COIL: variants seen among roughly 807,000 people sequenced by gnomAD.
COIL encodes coilin.
COIL carries 28 observed loss-of-function variants against 51.6 expected under a neutral mutation model. The ratio of observed to expected loss-of-function variants is 0.54; its 90% CI spans 0.40 to 0.74. COIL has a LOEUF of 0.74. Ranked by LOEUF, COIL falls within the 30% of genes least tolerant of loss-of-function variation. COIL has a pLI of 0.00. For synonymous variants in COIL, 233 were observed against 255.8 expected (o/e 0.91, Z 0.85); for missense variants, 667 against 685.9 (o/e 0.97, Z 0.31).
chr17:56,955,581 A>T (rs896330247), intron 1 of COIL, among the ~76,000 whole-genome samples: 4 of 152,176 alleles, frequency 2.6e-5, no homozygotes, highest in South Asian at 2.1e-4. Context: ...AATTTTTTTT[A>T]AAATCATTAC....
intron 2 of COIL, 29 bp downstream of exon 2, chr17:56,949,860 G>A (rs777970721): frequency 5.7e-5 from 91 of 1,610,544 alleles, no homozygotes; most frequent in Non-Finnish European, 7.0e-5. Flanking sequence ...GGGAAAGGGA[G>A]GAGATAACTT....
intron 3 of COIL, 114 bp downstream of exon 3, chr17:56,949,567 A>G: frequency 7.4e-7 from 1 of 1,352,996 alleles, no homozygotes; most frequent in East Asian, 2.3e-5. Context: ...CCGTAACAAC[A>G]CTGGGGTTCC....
intron 5 of COIL, among the ~76,000 whole-genome samples, chr17:56,945,170 T>A (rs796691578): frequency 3.3e-5 from 5 of 152,172 alleles, no homozygotes; most frequent in African/African-American, 1.2e-4. Context: ...AAAATCCATC[T>A]CTACTAAAAA....
chr17:56,943,343 C>G (rs372541344), intron 5 of COIL, among the ~76,000 whole-genome samples: 1 of 152,186 alleles, frequency 6.6e-6, no homozygotes, highest in East Asian at 1.9e-4. Context: ...CAACCACTTT[C>G]CTCATTTATG....
intron 1 of COIL, 27 bp downstream of exon 1, chr17:56,960,748 G>C (rs765714580): frequency 8.0e-7 from 1 of 1,250,086 alleles, no homozygotes; most frequent in Non-Finnish European, 1.0e-6. Flanking sequence ...CCGCCCACCC[G>C]GCCGTCCCGC....
Position 56,960,867 on chromosome 17 carries a change from G to T in COIL, c.153C>A (p.Phe51Leu). 1 of 1,613,990 alleles carries T rather than the reference G, an allele frequency of 6.2e-7. No homozygotes were observed. Among genetic ancestry groups the T allele is most frequent in the Non-Finnish European group, 8.5e-7 (1 of 1,179,930 alleles). Reference sequence around the variant, plus strand: ...AGAGGCCTAGGAAGGCCCCAGAACTGAAGCCGAAGCGCTGGCGGATGAGAC... The same window carrying T: ...AGAGGCCTAGGAAGGCCCCAGAACTTAAGCCGAAGCGCTGGCGGATGAGAC... ...LISLIRQRFG[F>L]SSGAFLGLYL... Residue 51 changes from phenylalanine to leucine, a missense_variant, in exon 1 of 7, where the codon TTC becomes TTA. Transcript: ENST00000240316.
chr17:56,943,766 A>G (rs1910191733), intron 5 of COIL, among the ~76,000 whole-genome samples: 1 of 152,232 alleles, frequency 6.6e-6, no homozygotes, highest in African/African-American at 2.4e-5. Flanking sequence ...CTGGGGGACT[A>G]GTATTACTTA....
intron 5 of COIL, among the ~76,000 whole-genome samples, chr17:56,944,882 C>A (rs1300019552): frequency 6.6e-6 from 1 of 150,720 alleles, no homozygotes; most frequent in African/African-American, 2.4e-5. Flanking sequence ...CCGGGCATGG[C>A]GGCCAGCGCC....
At chr17:56,939,192 A>C (rs1910099901) in intron 6 of COIL, 38 bp from the exon 7 acceptor site, 1 of 1,084,748 alleles carries the variant, frequency 9.2e-7, no homozygotes, top group South Asian at 1.3e-5. Flanking sequence ...TAGGCACTTC[A>C]TTTTGAGGTC....
At chr17:56,952,150 A>C (rs1910385783) in intron 1 of COIL, 3 of 471,452 alleles carry the variant, frequency 6.4e-6, no homozygotes, top group South Asian at 3.2e-5. Flanking sequence ...GCATGGTTAC[A>C]CTGGCAAATC....
chr17:56,953,194 A>C (rs11079265), intron 1 of COIL, among the ~76,000 whole-genome samples: 11 of 151,468 alleles, frequency 7.3e-5, no homozygotes, highest in African/African-American at 1.2e-4. Flanking sequence ...GGTGGATCAC[A>C]AGGTCAGGAG....
At chr17:56,949,580 T>G in intron 3 of COIL, 101 bp downstream of exon 3, 1 of 1,386,164 alleles carries the variant, frequency 7.2e-7, no homozygotes, top group Non-Finnish European at 1.0e-6. Flanking sequence ...GGGGTTCCAG[T>G]GGGAAGGGCT....
chr17:56,957,506 T>A (rs1208777751), intron 1 of COIL, among the ~76,000 whole-genome samples: 1 of 149,278 alleles, frequency 6.7e-6, no homozygotes, highest in East Asian at 2.0e-4. Flanking sequence ...CCTGTAATCC[T>A]AGCTACTCGG....
rs1367589447 is a variant in COIL at position 56,938,258 on chromosome 17, T to C, written c.*813A>G. 1 of 152,256 alleles carries C rather than the reference T, an allele frequency of 6.6e-6. No individual in the cohort carries two copies. The highest frequency in any genetic ancestry group is 1.5e-5 in the Non-Finnish European group (1 of 68,038). The allele number at this position is 152,256 out of a possible 1,614,324, so 9.4% of individuals were successfully genotyped here. A position where few individuals can be genotyped will look rare whatever the true frequency, so the allele number is the denominator to read the frequency against. ...CAGCTGAAGGAGGGATCTGATCTTT[T>C]GTTAAATGAAACCAATTTTCACGGT... On this transcript the variant is annotated 3_prime_UTR_variant, in exon 7 of 7. Coordinates refer to ENST00000240316, the MANE Select transcript of COIL (RefSeq NM_004645.3).
At chr17:56,952,898 G>C (rs1910400191) in intron 1 of COIL, among the ~76,000 whole-genome samples, 1 of 152,032 alleles carries the variant, frequency 6.6e-6, no homozygotes, top group African/African-American at 2.4e-5. Flanking sequence ...TCCATCAACA[G>C]GCAACAGCTA....
Position 56,949,734 on chromosome 17 carries a change from G to A in COIL, c.1387C>T (p.Leu463=). ...PVETPKKDYS[L]LPLLAAAPQV... ...GGGGCAGCTGCTAACAGTGGTAACA[G>A]ACTATAGTCCTTCTTGGGTGTCTCT... Residue 463 remains leucine (L), a synonymous_variant, in exon 3 of 7, where the codon CTG becomes TTG. Coordinates refer to ENST00000240316, the MANE Select transcript of COIL (RefSeq NM_004645.3). 6.2e-7 allele frequency: 1 copy of A among 1,614,194 alleles called. No homozygotes were observed. Among genetic ancestry groups the A allele is most frequent in the South Asian group, 1.1e-5 (1 of 91,090 alleles).
chr17:56,959,353 GA>G (rs908488935), intron 1 of COIL, among the ~76,000 whole-genome samples: 32 of 145,402 alleles, frequency 2.2e-4, no homozygotes, highest in South Asian at 4.4e-4. Flanking sequence ...ATTTAAAAAA[GA>G]AAAAAAAAAG....
chr17:56,949,142 A>T (rs1195618279), intron 4 of COIL, among the ~76,000 whole-genome samples: 1 of 152,052 alleles, frequency 6.6e-6, no homozygotes, highest in Non-Finnish European at 1.5e-5. Flanking sequence ...ATTTTTTTTA[A>T]AAAAGTAAAA....
At position 56,957,794 on chromosome 17, in the gene COIL, G is replaced by T. The variant is rs149483178; in HGVS notation, c.245+2981C>A. On this transcript the variant is annotated intron_variant, in intron 1 of 6. Coordinates refer to ENST00000240316, the MANE Select transcript of COIL (RefSeq NM_004645.3). ...GCAGCCCCAGCAAACTAACACAGGG[G>T]GCTCCAAGCCAATAGAAGCACCTCC... Among the ~76,000 whole-genome samples the T allele has an allele frequency of 2.6e-4, 39 of 152,272 alleles. No homozygotes were observed. The East Asian group carries it at 7.0e-3, about 27-fold the overall frequency.
Sources: allele counts gnomAD v4.1 joint callset (sites outside exome capture counted in the v4.1 genomes callset), GRCh38; gene constraint gnomAD v4.1.1; transcripts MANE v1.5; gene names NCBI Gene and HGNC (gene_info 2026-07-23, HGNC 2026-07-21).